Variants in SV2B observed in about 807,000 individuals in gnomAD.
SV2B encodes solute carrier family 22 member B2.
Under a neutral mutation model 73.9 loss-of-function variants are expected in SV2B, and 41 were observed. The observed-to-expected ratio is 0.56, with a 90% confidence interval of 0.43 to 0.72. The LOEUF (loss-of-function observed/expected upper bound fraction) is 0.72. SV2B is among the 30% of genes least tolerant of loss of function. The pLI, the probability that SV2B is intolerant of heterozygous loss-of-function variation, is 0.00. For missense variants in SV2B, 764 were observed against 857.8 expected (o/e 0.89, Z 1.37); for synonymous variants, 314 against 314.2 (o/e 1.00, Z 0.01).
Position 91,281,890 on chromosome 15 carries a change from G to A in SV2B, c.1507+29G>A, listed in dbSNP as rs753084490. The A allele has an allele frequency of 1.3e-6, 2 of 1,583,504 alleles. No individual in the cohort carries two copies. Among genetic ancestry groups the A allele is most frequent in the African/African-American group, 2.7e-5 (2 of 73,840 alleles). On this transcript the variant is annotated intron_variant, in intron 10 of 12. Coordinates refer to ENST00000394232, the MANE Select transcript of SV2B (RefSeq NM_001323032.3). This position sits in a 1 kb window ranked among gnomAD's most constrained non-coding sequence, Gnocchi z 4.7. Reference sequence around the variant, plus strand: ...GGTAAGAACATTGACAGATTGAATAGAAAGTAACAGGAGACAACTTGTGTT... The same window carrying A: ...GGTAAGAACATTGACAGATTGAATAAAAAGTAACAGGAGACAACTTGTGTT...
chr15:91,216,886 CTTTTT>C (rs557223668), intron 1 of SV2B, among the ~76,000 whole-genome samples: 1 of 126,586 alleles, frequency 7.9e-6, no homozygotes. Context: ...GAATAACTAC[CTTTTT>C]TTTTTTTTTT....
chr15:91,153,139 C>T (rs1292360967), intron 1 of SV2B, among the ~76,000 whole-genome samples: 1 of 152,212 alleles, frequency 6.6e-6, no homozygotes. Flanking sequence ...AGGCAGCTCT[C>T]TGAAGCCTCT....
rs2048995516 is a variant in SV2B, at chr15:91,290,205, T to C, written c.1868+525T>C. On this transcript the variant is annotated intron_variant, in intron 12 of 12. Transcript: ENST00000394232. This position sits in a 1 kb window ranked among gnomAD's most constrained non-coding sequence, Gnocchi z 4.7. Reference sequence around the variant, plus strand: ...AGGATCAAGGCCATTACTTAGTAATTGTTTTTCTTCGTGGAGGGGAATTGT... The same window carrying C: ...AGGATCAAGGCCATTACTTAGTAATCGTTTTTCTTCGTGGAGGGGAATTGT... Among the ~76,000 whole-genome samples the C allele has an allele frequency of 6.6e-6, 1 of 152,170 alleles. No homozygotes were observed. Among genetic ancestry groups the C allele is most frequent in the South Asian group, 2.1e-4 (1 of 4,830 alleles).
chr15:91,189,075 G>A (rs1439708165), intron 1 of SV2B, among the ~76,000 whole-genome samples: 1 of 151,852 alleles, frequency 6.6e-6, no homozygotes, highest in East Asian at 1.9e-4. Flanking sequence ...ATCCACCCAC[G>A]TTGGCCTCTC....
In SV2B at chr15:91,284,290, A is replaced by T. The variant is rs79830882; in HGVS notation, c.1708+69A>T. On this transcript the variant is annotated intron_variant, in intron 11 of 12. Transcript: ENST00000394232. This position sits in a 1 kb window ranked among gnomAD's most constrained non-coding sequence, Gnocchi z 4.5. Reference sequence around the variant, plus strand: ...GTGGTGACTTTCAAGTGTATTAAACAGGGAAATTTTCCCTTTTATTAAATA... The same window carrying T: ...GTGGTGACTTTCAAGTGTATTAAACTGGGAAATTTTCCCTTTTATTAAATA... The T allele has an allele frequency of 5.2e-6, 8 of 1,534,714 alleles. No individual in the cohort carries two copies. The highest frequency in any genetic ancestry group is 7.2e-6 in the Non-Finnish European group (8 of 1,118,750).
chr15:91,211,972 G>A (rs2045884773), intron 1 of SV2B, among the ~76,000 whole-genome samples: 2 of 152,012 alleles, frequency 1.3e-5, no homozygotes, highest in South Asian at 4.1e-4. Flanking sequence ...CTTTCAGCCA[G>A]AAGAATTATT....
rs938718931 is a variant in SV2B, at chr15:91,263,093, C to T, written c.1008+2684C>T. Among the ~76,000 whole-genome samples, 6 of 150,728 alleles carry T rather than the reference C, an allele frequency of 4.0e-5. No homozygotes were observed. In the South Asian group the frequency reaches 6.2e-4, roughly 16 times the overall value. ...ATACACAAGCACATCCACAAAGACA[C>T]GGAGACACACATAGACATAGGCACA... On this transcript the variant is annotated intron_variant, in intron 6 of 12. Transcript: ENST00000394232.
chr15:91,270,818 G>T, intron 9 of SV2B, among the ~76,000 whole-genome samples: 1 of 126,346 alleles, frequency 7.9e-6, no homozygotes, highest in South Asian at 2.6e-4. Flanking sequence ...ATGATGGGGG[G>T]ATGGTGAATC....
chr15:91,112,802 T>C (rs886083706), intron 1 of SV2B, among the ~76,000 whole-genome samples: 12 of 152,190 alleles, frequency 7.9e-5, no homozygotes, highest in Admixed American at 7.9e-4. Context: ...CCACCATTTA[T>C]GTAGCATTTT....
chr15:91,169,946 A>G (rs1361720723), intron 1 of SV2B, among the ~76,000 whole-genome samples: 1 of 152,202 alleles, frequency 6.6e-6, no homozygotes, highest in African/African-American at 2.4e-5. Context: ...TGCAAAAGCA[A>G]TGTTTAAAAT....
At chr15:91,235,914 G>A (rs536732888) in intron 2 of SV2B, among the ~76,000 whole-genome samples, 1 of 152,312 alleles carries the variant, frequency 6.6e-6, no homozygotes, top group African/African-American at 2.4e-5. Context: ...GGGGGAGAGA[G>A]AGAAGACCGG....
At chr15:91,165,459 A>AT (rs1177689208) in intron 1 of SV2B, among the ~76,000 whole-genome samples, 1 of 152,246 alleles carries the variant, frequency 6.6e-6, no homozygotes, top group Non-Finnish European at 1.5e-5. Flanking sequence ...TGTATTAGTT[A>AT]TTATAAGTAA....
rs1433768950 is a variant in SV2B, at chr15:91,267,413, G to C, written c.1120-142G>C. ...TCCTTGTTATTTGGACAGTTTTGCT[G>C]CCTCTAGGAGACAGTGGGGTACCGG... On this transcript the variant is annotated intron_variant, in intron 7 of 12. Coordinates refer to ENST00000394232, the MANE Select transcript of SV2B (RefSeq NM_001323032.3). This position sits in a 1 kb window ranked among gnomAD's most constrained non-coding sequence, Gnocchi z 4.3. The C allele has an allele frequency of 7.6e-6, 5 of 658,334 alleles. No homozygotes were observed. The East Asian group carries it at 1.4e-4, about 18-fold the overall frequency. The allele number at this position is 658,334 out of a possible 1,614,324, so 40.8% of individuals were successfully genotyped here. A position where few individuals can be genotyped will look rare whatever the true frequency, so the allele number is the denominator to read the frequency against.
chr15:91,254,129 A>C (rs1268452007), intron 4 of SV2B, among the ~76,000 whole-genome samples: 1 of 151,972 alleles, frequency 6.6e-6, no homozygotes, highest in Admixed American at 6.6e-5. Context: ...TATGGTTTTG[A>C]GGCATTGCTT....
chr15:91,286,570 G>A (rs1031696845), intron 11 of SV2B, among the ~76,000 whole-genome samples: 28 of 152,220 alleles, frequency 1.8e-4, no homozygotes, highest in African/African-American at 6.5e-4. Context: ...GGCAGACTTC[G>A]ACTAGAAATT....
intron 1 of SV2B, among the ~76,000 whole-genome samples, chr15:91,165,318 C>A (rs1157499474): frequency 6.6e-6 from 1 of 151,984 alleles, no homozygotes; most frequent in African/African-American, 2.4e-5. Context: ...GCGACAAGAG[C>A]GAGACTCTGT....
Position 91,223,555 on chromosome 15 carries a change from G to A in SV2B, c.-391-2318G>A, listed in dbSNP as rs907613875. 2.0e-5 allele frequency among the ~76,000 whole-genome samples: 3 copies of A among 152,116 alleles called. No homozygotes were observed. Among genetic ancestry groups the A allele is most frequent in the Admixed American group, 6.5e-5 (1 of 15,288 alleles). On this transcript the variant is annotated intron_variant, in intron 1 of 12. Transcript: ENST00000394232. The surrounding 1 kb of genome is among the most constrained non-coding windows in gnomAD (Gnocchi z 4.6). ...TGCAAGTCTATCATTTCTGGTTCAC[G>A]ACGTTGTTATAGGGCCCCCAGGATG... is the stretch of plus-strand genomic sequence containing the variant.
Position 91,140,406 on chromosome 15 carries a change from A to G in SV2B, c.-392+40043A>G, listed in dbSNP as rs1280968728. 6.6e-6 allele frequency among the ~76,000 whole-genome samples: 1 copy of G among 152,252 alleles called. No homozygotes were observed. Among genetic ancestry groups the G allele is most frequent in the African/African-American group, 2.4e-5 (1 of 41,464 alleles). Reference sequence around the variant, plus strand: ...GTCTCAAAAGTCTAGTGCTTCTCCCAGAGGAGGAGAACAAAAATATCACCT... The same window carrying G: ...GTCTCAAAAGTCTAGTGCTTCTCCCGGAGGAGGAGAACAAAAATATCACCT... On this transcript the variant is annotated intron_variant, in intron 1 of 12. Transcript: ENST00000394232. The surrounding 1 kb of genome is among the most constrained non-coding windows in gnomAD (Gnocchi z 4.4).
Position 91,115,278 on chromosome 15 carries a change from A to G in SV2B, c.-392+14915A>G, listed in dbSNP as rs1011357044. ...AAACCCACAGACGTCCACCACACAC[A>G]CTGAGCTGGCTTCTGTTGCTGAAAT... On this transcript the variant is annotated intron_variant, in intron 1 of 12. Transcript: ENST00000394232. This position sits in a 1 kb window ranked among gnomAD's most constrained non-coding sequence, Gnocchi z 4.3. Among the ~76,000 whole-genome samples the G allele has an allele frequency of 6.6e-6, 1 of 151,964 alleles. No homozygotes were observed. Among genetic ancestry groups the G allele is most frequent in the African/African-American group, 2.4e-5 (1 of 41,362 alleles).
Sources: allele counts gnomAD v4.1 joint callset (sites outside exome capture counted in the v4.1 genomes callset), GRCh38; gene constraint gnomAD v4.1.1; non-coding constraint Gnocchi (gnomAD v3.1); transcripts MANE v1.5; gene names NCBI Gene and HGNC (gene_info 2026-07-23, HGNC 2026-07-21).